The following MICAL2 variants were observed in gnomAD, a reference collection of about 807,000 sequenced individuals.
The protein encoded by MICAL2 is [F-actin]-monooxygenase MICAL2.
Under a neutral mutation model 127.3 loss-of-function variants are expected in MICAL2, and 77 were observed. The ratio of observed to expected loss-of-function variants is 0.60; its 90% CI spans 0.50 to 0.73. MICAL2 has a LOEUF of 0.73. MICAL2 is among the 30% of genes least tolerant of loss of function. MICAL2 has a pLI of 0.00. For missense variants in MICAL2, 1,351 were observed against 1,434.4 expected (o/e 0.94, Z 0.94); for synonymous variants, 570 against 551.1 (o/e 1.03, Z -0.48).
At chr11:12,162,451 C>A in intron 3 of MICAL2, 32 bp downstream of exon 3, 2 of 1,609,890 alleles carry the variant, frequency 1.2e-6, no homozygotes, top group Non-Finnish European at 1.7e-6. Flanking sequence ...CTTACCTTTG[C>A]AGGGCGTGTG....
chr11:12,111,515 G>T (rs1350911897), intron 1 of MICAL2, among the ~76,000 whole-genome samples: 1 of 152,260 alleles, frequency 6.6e-6, no homozygotes, highest in East Asian at 1.9e-4. Context: ...CACTGGCAGA[G>T]CTGGGAACGG....
chr11:12,268,783 GATCGAGAC>G (rs891347221), downstream of MICAL2, among the ~76,000 whole-genome samples: 3 of 151,648 alleles, frequency 2.0e-5, no homozygotes, highest in African/African-American at 7.3e-5. Flanking sequence ...GAGGTTAGGA[GATCGAGAC>G]CATCCTGGCT....
chr11:12,342,646 A>G (rs1938885466), intron 32 of MICAL2, among the ~76,000 whole-genome samples: 2 of 152,346 alleles, frequency 1.3e-5, no homozygotes, highest in South Asian at 2.1e-4. Flanking sequence ...TGTGCCAAGC[A>G]CAATGCTTAG....
chr11:12,341,963 G>A (rs1398218654), intron 32 of MICAL2, among the ~76,000 whole-genome samples: 1 of 152,154 alleles, frequency 6.6e-6, no homozygotes, highest in African/African-American at 2.4e-5. Flanking sequence ...GAGTACTCTT[G>A]GGCAAAACTG....
At chr11:12,171,988 T>A (rs1856320615) in intron 3 of MICAL2, among the ~76,000 whole-genome samples, 1 of 152,242 alleles carries the variant, frequency 6.6e-6, no homozygotes, top group Non-Finnish European at 1.5e-5. Flanking sequence ...CTGTGTATTT[T>A]ACAGCTCATC....
rs539998437 is a variant in MICAL2, at chr11:12,138,401, C to A, written c.-137C>A. ...TCTTGTTTTTAAAGGAACATGGCAA[C>A]CCGTGTGTGTCTCATCCCAGAAAGA... On this transcript the variant is annotated 5_prime_UTR_variant, in exon 2 of 28. Transcript: ENST00000683283. The A allele has an allele frequency of 2.0e-5, 3 of 152,214 alleles. No individual in the cohort carries two copies. Among genetic ancestry groups the A allele is most frequent in the Non-Finnish European group, 2.9e-5 (2 of 68,038 alleles). 9.4% of individuals were successfully genotyped at this position (152,214 alleles called of 1,614,324 possible).
downstream of MICAL2, among the ~76,000 whole-genome samples, chr11:12,293,133 A>G (rs988489662): frequency 8.5e-5 from 13 of 152,202 alleles, no homozygotes; most frequent in Admixed American, 7.2e-4. Flanking sequence ...GAACATACCT[A>G]TGGGTGGATC....
chr11:12,141,325 G>A (rs185666075), intron 2 of MICAL2, among the ~76,000 whole-genome samples: 11 of 152,282 alleles, frequency 7.2e-5, no homozygotes, highest in African/African-American at 2.4e-4. Flanking sequence ...GGGAGGGGTG[G>A]AGGTTTGGTG....
At chr11:12,226,651 GTTTT>G (rs202072260) in intron 14 of MICAL2, among the ~76,000 whole-genome samples, 40 of 126,364 alleles carry the variant, frequency 3.2e-4, no homozygotes, top group South Asian at 1.3e-3. Flanking sequence ...TTTGTTTTTG[GTTTT>G]TTTTTTTTTT....
chr11:12,260,238 G>T, intron 26 of MICAL2: 2 of 1,444,460 alleles, frequency 1.4e-6, no homozygotes, highest in East Asian at 5.0e-5. Flanking sequence ...TGCGTTTGCA[G>T]TTTGCTCAGG....
At chr11:12,175,761 A>G (rs1313216558) in intron 3 of MICAL2, among the ~76,000 whole-genome samples, 1 of 152,142 alleles carries the variant, frequency 6.6e-6, no homozygotes, top group Non-Finnish European at 1.5e-5. Flanking sequence ...TGCAGTTCTT[A>G]GAGGGGAGTG....
At position 12,261,751 on chromosome 11, in the gene MICAL2, C is replaced by T. The variant is rs918408730; in HGVS notation, c.3335-729C>T. 21 of 985,326 alleles carry T rather than the reference C, an allele frequency of 2.1e-5. No individual in the cohort carries two copies. In the African/African-American group the frequency reaches 3.0e-4, roughly 14 times the overall value. 61.0% of individuals were successfully genotyped at this position (985,326 alleles called of 1,614,324 possible). On this transcript the variant is annotated intron_variant, in intron 26 of 27. Transcript: ENST00000683283. ...TCCTTGGGAAAAACAGAGGCATGGC[C>T]GTGGCCAACTCTGTGGGAACTGGCG...
chr11:12,118,416 T>C (rs1333398434), intron 1 of MICAL2, among the ~76,000 whole-genome samples: 1 of 152,242 alleles, frequency 6.6e-6, no homozygotes, highest in Non-Finnish European at 1.5e-5. Flanking sequence ...AGGCATGTCC[T>C]GGTGCCTGTT....
chr11:12,311,474 C>T (rs556131238), intron 29 of MICAL2, among the ~76,000 whole-genome samples: 108 of 152,078 alleles, frequency 7.1e-4, no homozygotes, highest in African/African-American at 2.6e-3. Context: ...TGCAGTGGCA[C>T]GATCTTGACT....
intron 15 of MICAL2, among the ~76,000 whole-genome samples, chr11:12,234,480 C>A (rs567174270): frequency 3.3e-5 from 5 of 152,276 alleles, no homozygotes; most frequent in African/African-American, 1.2e-4. Context: ...CAAATAAGAT[C>A]ATCTGTTTCT....
intron 1 of MICAL2, among the ~76,000 whole-genome samples, chr11:12,277,576 C>A (rs1863735145): frequency 6.6e-6 from 1 of 152,134 alleles, no homozygotes; most frequent in Non-Finnish European, 1.5e-5. Context: ...TAGTGACAGG[C>A]CCCTGGGTGA....
chr11:12,185,113 G>C (rs10831751), intron 3 of MICAL2, among the ~76,000 whole-genome samples: 1 of 1,696 alleles, frequency 5.9e-4, no homozygotes, highest in Non-Finnish European at 1.3e-3. Context: ...AGGTGGGTGG[G>C]TGGGTGGGTG....
chr11:12,133,059 T>C (rs1851552349), intron 1 of MICAL2, among the ~76,000 whole-genome samples: 1 of 152,002 alleles, frequency 6.6e-6, no homozygotes, highest in South Asian at 2.1e-4. Flanking sequence ...AGGCCATGGA[T>C]TTTTTTTCTG....
At chr11:12,228,451 C>A (rs114154788) in intron 15 of MICAL2, among the ~76,000 whole-genome samples, 2,525 of 152,280 alleles carry the variant, frequency 0.017, 75 homozygotes, top group African/African-American at 0.058. Flanking sequence ...TTAATCAACT[C>A]ATTGAAAGGC....
Sources: gnomAD v4.1 joint callset for allele counts (sites outside exome capture counted in the v4.1 genomes callset) on GRCh38, gnomAD v4.1.1 for gene constraint, MANE v1.5 for transcripts, NCBI Gene and HGNC (gene_info 2026-07-23, HGNC 2026-07-21) for gene names.